The following PRDM16 variants were observed in gnomAD, a reference collection of about 807,000 sequenced individuals.
PRDM16 encodes PR/SET domain 16.
Under a neutral mutation model 110.6 loss-of-function variants are expected in PRDM16, and 23 were observed. That is an observed-to-expected ratio of 0.21 (90% CI 0.15 to 0.29). The LOEUF (loss-of-function observed/expected upper bound fraction) is 0.29, where lower values mean the gene tolerates loss of function less well. PRDM16 is among the 10% of genes least tolerant of loss of function. PRDM16 has a pLI of 1.00. For synonymous variants in PRDM16, 799 were observed against 781.8 expected, an observed-to-expected ratio of 1.02 and a Z score of -0.37; for missense variants, 1,615 against 1,794.3, an observed-to-expected ratio of 0.90 and a Z score of 1.81.
At chr1:3,203,682 G>A (rs140019673) in intron 2 of PRDM16, among the ~76,000 whole-genome samples, 2 of 152,156 alleles carry the variant, frequency 1.3e-5, no homozygotes, top group Admixed American at 1.3e-4. Context: ...TCCTTCCTGC[G>A]TGTGTGTCTG....
rs2100676534 is a variant in PRDM16, at chr1:3,418,081, A to G, written c.2861+84A>G. ...TGGCTGTGAACCTGTGCTTCCAGGA[A>G]AAACTCAGAGTCCCGGCCATAGGAA... is the stretch of plus-strand genomic sequence containing the variant. On this transcript the variant is annotated intron_variant, in intron 11 of 16. Transcript: ENST00000270722. 2.5e-6 allele frequency: 3 copies of G among 1,197,862 alleles called. No homozygotes were observed. In the South Asian group the frequency reaches 4.4e-5, roughly 18 times the overall value. 74.2% of individuals were successfully genotyped at this position (1,197,862 alleles called of 1,614,324 possible).
At chr1:3,310,960 GGTGT>G (rs1641441206) in intron 3 of PRDM16, among the ~76,000 whole-genome samples, 2 of 151,844 alleles carry the variant, frequency 1.3e-5, no homozygotes, top group African/African-American at 2.4e-5. Context: ...GAGACGTGTG[GGTGT>G]GTGTAGGCAT....
intron 3 of PRDM16, among the ~76,000 whole-genome samples, chr1:3,282,887 G>C (rs990595286): frequency 2.6e-5 from 4 of 152,214 alleles, no homozygotes; most frequent in African/African-American, 4.8e-5. Context: ...GGAGTAGTGA[G>C]GGCTCCCCTG....
intron 1 of PRDM16, among the ~76,000 whole-genome samples, chr1:3,117,140 C>G (rs1009855111): frequency 6.6e-6 from 1 of 152,206 alleles, no homozygotes; most frequent in Non-Finnish European, 1.5e-5. Context: ...TCTTCTGCTC[C>G]GGCTGTTTCG....
At chr1:3,351,501 C>T in intron 3 of PRDM16, among the ~76,000 whole-genome samples, 1 of 146,600 alleles carries the variant, frequency 6.8e-6, no homozygotes, top group Non-Finnish European at 1.5e-5. Context: ...GGGCCCTCAG[C>T]TCACTGTGTC....
At chr1:3,128,754 G>T (rs772110639) in intron 1 of PRDM16, among the ~76,000 whole-genome samples, 7 of 152,182 alleles carry the variant, frequency 4.6e-5, no homozygotes, top group Non-Finnish European at 1.0e-4. Flanking sequence ...TGGTGGCAAC[G>T]CTCCAATGGC....
intron 4 of PRDM16, among the ~76,000 whole-genome samples, chr1:3,386,006 G>A (rs527638592): frequency 1.3e-5 from 2 of 152,192 alleles, no homozygotes; most frequent in Non-Finnish European, 2.9e-5. Context: ...AGAAGGCACC[G>A]TGTCCCCAGA....
At chr1:3,165,737 AGG>A (rs1291742868) in intron 1 of PRDM16, among the ~76,000 whole-genome samples, 2 of 70,418 alleles carry the variant, frequency 2.8e-5, no homozygotes, top group Non-Finnish European at 4.8e-5. Context: ...ACCTGGGCTC[AGG>A]GACAGTGACT....
intron 2 of PRDM16, among the ~76,000 whole-genome samples, chr1:3,212,299 G>A (rs1171437953): frequency 6.6e-6 from 1 of 152,176 alleles, no homozygotes. Context: ...CCCCGCTGGG[G>A]CTCGGGGCTC....
Position 3,414,597 on chromosome 1 carries a change from G to T in PRDM16, c.2641G>T (p.Ala881Ser). Residue 881 changes from alanine (A) to serine (S), a missense_variant, in exon 10 of 17, where the codon GCC (alanine) becomes TCC (serine). Physicochemically the swap from Ala to Ser is moderately conservative, Grantham distance 99. Transcript: ENST00000270722. Reference sequence around the variant, plus strand: ...GCGGAAGGTCACAGACCCCGTGGGAGCCCTGAAGGAGAAGTACCTGCGGCC... The same window carrying T: ...GCGGAAGGTCACAGACCCCGTGGGATCCCTGAAGGAGAAGTACCTGCGGCC... Reference protein sequence around the residue: ...EKRKVTDPVGALKEKYLRPSP... With the variant: ...EKRKVTDPVGSLKEKYLRPSP... The T allele has an allele frequency of 6.2e-7, 1 of 1,613,560 alleles. No homozygotes were observed. Among genetic ancestry groups the T allele is most frequent in the Non-Finnish European group, 8.5e-7 (1 of 1,179,896 alleles).
Position 3,074,270 on chromosome 1 carries a change from G to C in PRDM16, c.37+4974G>C, listed in dbSNP as rs570181927. Among the ~76,000 whole-genome samples, 3 of 152,288 alleles carry C rather than the reference G, an allele frequency of 2.0e-5. No homozygotes were observed. In the South Asian group the frequency reaches 6.2e-4, roughly 32 times the overall value. On this transcript the variant is annotated intron_variant, in intron 1 of 16. Transcript: ENST00000270722. ...AGTGAGAAACCCCAGACGCAGAGAGGTGGAGGAACTCTTGGGAGGGCACAC... is the reference window on the plus strand; with the variant it reads ...AGTGAGAAACCCCAGACGCAGAGAGCTGGAGGAACTCTTGGGAGGGCACAC...
chr1:3,268,100 G>A (rs1640339178), intron 3 of PRDM16, among the ~76,000 whole-genome samples: 1 of 152,206 alleles, frequency 6.6e-6, no homozygotes, highest in Non-Finnish European at 1.5e-5. Flanking sequence ...GTGCCCGTTT[G>A]CACACACGTG....
intron 2 of PRDM16, among the ~76,000 whole-genome samples, chr1:3,214,629 A>G (rs1195562399): frequency 3.3e-5 from 5 of 152,168 alleles, no homozygotes; most frequent in Non-Finnish European, 5.9e-5. Context: ...CTCAGGAGGC[A>G]GAGGTTGCAG....
intron 1 of PRDM16, among the ~76,000 whole-genome samples, chr1:3,177,019 C>G (rs761863366): frequency 6.6e-6 from 1 of 152,036 alleles, no homozygotes; most frequent in African/African-American, 2.4e-5. Context: ...ATCCACTAAT[C>G]CATCCATCCA....
In PRDM16 at chr1:3,301,053, G is replaced by A. The variant is rs138431365; in HGVS notation, c.438+56916G>A. Among the ~76,000 whole-genome samples the A allele has an allele frequency of 1.3e-3, 201 of 152,260 alleles. 2 individuals carry two copies. The highest frequency in any genetic ancestry group is 4.4e-3 in the African/African-American group (183 of 41,544). ...GTGAGGTTCAAGAAATGTTTGGGCC[G>A]GGCACAGTGGCTCATACCTGTAATC... On this transcript the variant is annotated intron_variant, in intron 3 of 16. Transcript: ENST00000270722.
chr1:3,212,694 T>TCCCGCTCATCCTCCCGGCC (rs1167908082), intron 2 of PRDM16, among the ~76,000 whole-genome samples: 33 of 151,200 alleles, frequency 2.2e-4, no homozygotes, highest in East Asian at 3.9e-4. Context: ...GCTGCGGTCC[T>TCCCGCTCATCCTCCCGGCC]CTCTGCCACT....
At chr1:3,156,490 C>A (rs186959377) in intron 1 of PRDM16, among the ~76,000 whole-genome samples, 1 of 152,090 alleles carries the variant, frequency 6.6e-6, no homozygotes, top group Non-Finnish European at 1.5e-5. Context: ...ATATATACCC[C>A]CAAAAGAAGG....
chr1:3,345,438 T>C (rs929674172), intron 3 of PRDM16, among the ~76,000 whole-genome samples: 1 of 152,178 alleles, frequency 6.6e-6, no homozygotes, highest in Non-Finnish European at 1.5e-5. Flanking sequence ...ACCTCCACTG[T>C]GAGTTCTGTG....
rs559678739 is a variant in PRDM16 at position 3,253,467 on chromosome 1, T to G, written c.438+9330T>G. The stretch of plus-strand genomic sequence containing the variant: ...AGTGAGAACATGTGGTGTTTGGTTT[T>G]TTGTCCTTGCGATAGTTTATTGAGA... On this transcript the variant is annotated intron_variant, in intron 3 of 16. Transcript: ENST00000270722. Among the ~76,000 whole-genome samples, 9 of 151,622 alleles carry G rather than the reference T, an allele frequency of 5.9e-5. No homozygotes were observed. The East Asian group carries it at 1.8e-3, about 29-fold the overall frequency.
Sources: gnomAD v4.1 joint callset for allele counts (sites outside exome capture counted in the v4.1 genomes callset) on GRCh38, gnomAD v4.1.1 for gene constraint, MANE v1.5 for transcripts, NCBI Gene and HGNC (gene_info 2026-07-23, HGNC 2026-07-21) for gene names.